Variants in PCDHGA2 observed in about 807,000 individuals in gnomAD.
PCDHGA2 encodes protocadherin gamma-A2.
A neutral mutation model predicts 59.2 loss-of-function variants in PCDHGA2; 40 were observed. The ratio of observed to expected loss-of-function variants is 0.68; its 90% CI spans 0.52 to 0.88. The LOEUF is 0.88. PCDHGA2 is among the 40% of genes least tolerant of loss of function. The pLI, the probability that PCDHGA2 is intolerant of heterozygous loss-of-function variation, is 0.00. For missense variants in PCDHGA2, 1,226 were observed against 1,204.0 expected (o/e 1.02, Z -0.27); for synonymous variants, 560 against 526.0 (o/e 1.06, Z -0.89).
intron 1 of PCDHGA2, chr5:141,410,447 C>G (rs760711107): frequency 1.2e-6 from 2 of 1,613,984 alleles, no homozygotes; most frequent in Non-Finnish European, 1.7e-6. Context: ...GGGGACTTTG[C>G]CTTATTCTTA....
intron 1 of PCDHGA2, chr5:141,415,863 G>T (rs1321470910): frequency 2.7e-5 from 30 of 1,107,154 alleles, no homozygotes; most frequent in Non-Finnish European, 3.6e-5. Context: ...GTAGTTTATA[G>T]TGTTGTTGAG....
At chr5:141,366,064 G>A (rs761173450) in intron 1 of PCDHGA2, 4 of 1,614,106 alleles carry the variant, frequency 2.5e-6, no homozygotes, top group African/African-American at 1.3e-5. Flanking sequence ...TGGAGCTGGC[G>A]CCTCGCTCCG....
At chr5:141,508,739 C>A (rs1344024245) in intron 3 of PCDHGA2, among the ~76,000 whole-genome samples, 1 of 152,156 alleles carries the variant, frequency 6.6e-6, no homozygotes, top group African/African-American at 2.4e-5. Context: ...ACACCCCCCA[C>A]CCCGCTCTTT....
intron 1 of PCDHGA2, chr5:141,350,329 C>T (rs916472281): frequency 5.2e-6 from 8 of 1,536,508 alleles, no homozygotes; most frequent in Non-Finnish European, 7.0e-6. Flanking sequence ...TGTCTTTGTT[C>T]TGCGGGGCCA....
intron 1 of PCDHGA2, chr5:141,423,465 G>T: frequency 6.2e-7 from 1 of 1,614,006 alleles, no homozygotes; most frequent in South Asian, 1.1e-5. Context: ...GCGTGGACGG[G>T]GTACAGGCTT....
In PCDHGA2 at chr5:141,417,676, C is replaced by G. The variant is rs902104404; in HGVS notation, c.2424+76281C>G. The G allele has an allele frequency of 1.7e-5, 17 of 993,450 alleles. No individual in the cohort carries two copies. The African/African-American group carries it at 2.8e-4, about 16-fold the overall frequency. The allele number at this position is 993,450 out of a possible 1,614,324, so 61.5% of individuals were successfully genotyped here. ...AGCCTGGGATTCCCTGCGCAGCCAACAACAGAAAAGAAAACCAGCTCCCAC... is the reference window on the plus strand; with the variant it reads ...AGCCTGGGATTCCCTGCGCAGCCAAGAACAGAAAAGAAAACCAGCTCCCAC... On this transcript the variant is annotated intron_variant, in intron 1 of 3. Transcript: ENST00000394576.
intron 1 of PCDHGA2, chr5:141,413,356 C>T: frequency 6.2e-7 from 1 of 1,613,962 alleles, no homozygotes; most frequent in South Asian, 1.1e-5. Context: ...TCTGGCGCCC[C>T]GGGAGCTGGC....
At chr5:141,404,437 C>T in intron 1 of PCDHGA2, 3 of 1,613,094 alleles carry the variant, frequency 1.9e-6, no homozygotes, top group Non-Finnish European at 2.5e-6. Context: ...CAGAGGATAC[C>T]ATCCAAGGGT....
At chr5:141,351,694 A>G in intron 1 of PCDHGA2, 3 of 1,613,918 alleles carry the variant, frequency 1.9e-6, no homozygotes, top group Non-Finnish European at 2.5e-6. Context: ...CGGATTTGGG[A>G]CCCAACGGCA....
At chr5:141,377,317 T>C (rs1355098405) in intron 1 of PCDHGA2, 3 of 152,140 alleles carry the variant, frequency 2.0e-5, no homozygotes, top group African/African-American at 7.2e-5. Context: ...GATCAAGATC[T>C]TGGTTTTAGC....
intron 1 of PCDHGA2, chr5:141,355,370 G>A (rs756032397): frequency 2.4e-5 from 38 of 1,613,918 alleles, no homozygotes; most frequent in Non-Finnish European, 3.1e-5. Context: ...TTGGCGCCCC[G>A]GGAGCTGGCG....
At chr5:141,348,091 G>T (rs1343762579) in intron 1 of PCDHGA2, among the ~76,000 whole-genome samples, 2 of 152,230 alleles carry the variant, frequency 1.3e-5, no homozygotes, top group East Asian at 1.9e-4. Context: ...GCCAGAAATT[G>T]TTGGCTTATT....
intron 1 of PCDHGA2, chr5:141,416,530 G>C (rs976560428): frequency 6.6e-6 from 1 of 152,160 alleles, no homozygotes; most frequent in Non-Finnish European, 1.5e-5. Context: ...GCTCTTTAAT[G>C]TATAAGGAGG....
intron 1 of PCDHGA2, chr5:141,377,664 C>T (rs1042522537): frequency 6.6e-6 from 1 of 151,600 alleles, no homozygotes; most frequent in South Asian, 2.1e-4. Context: ...AAACGACAGA[C>T]GTTCATACAA....
chr5:141,430,383 G>GAA (rs139772145), intron 1 of PCDHGA2, among the ~76,000 whole-genome samples: 39 of 138,602 alleles, frequency 2.8e-4, no homozygotes, highest in African/African-American at 7.9e-4. Context: ...AGCTCATTGG[G>GAA]AAAAAAAAAA....
intron 1 of PCDHGA2, chr5:141,379,738 A>T (rs1218280067): frequency 1.3e-5 from 2 of 152,158 alleles, no homozygotes; most frequent in Non-Finnish European, 2.9e-5. Flanking sequence ...GTTATGGCTA[A>T]ATGAGGTTCT....
chr5:141,496,723 T>G (rs1312615861), intron 2 of PCDHGA2, among the ~76,000 whole-genome samples: 3 of 152,212 alleles, frequency 2.0e-5, no homozygotes, highest in Non-Finnish European at 4.4e-5. Context: ...AAGTCATTAA[T>G]GTATTCATTC....
chr5:141,493,338 A>G lies in PCDHGA2; in HGVS notation c.2425-1469A>G, dbSNP rs773870729. Among the ~76,000 whole-genome samples the G allele has an allele frequency of 6.6e-6, 1 of 152,162 alleles. No individual in the cohort carries two copies. The highest frequency in any genetic ancestry group is 1.5e-5 in the Non-Finnish European group (1 of 68,028). On this transcript the variant is annotated intron_variant, in intron 1 of 3. Transcript: ENST00000394576. This position sits in a 1 kb window ranked among gnomAD's most constrained non-coding sequence, Gnocchi z 4.3. ...GATTCTAACCCCTGTCTAACTCCAG[A>G]ATGTGTGCTTTTAATTTCTTGGCAC...
intron 1 of PCDHGA2, chr5:141,417,757 G>A: frequency 7.0e-7 from 1 of 1,435,144 alleles, no homozygotes; most frequent in Non-Finnish European, 9.2e-7. Flanking sequence ...CCAGCTCCGA[G>A]ACCCGGGACT....
Sources: gnomAD v4.1 joint callset for allele counts (sites outside exome capture counted in the v4.1 genomes callset) on GRCh38, gnomAD v4.1.1 for gene constraint, Gnocchi (gnomAD v3.1) non-coding constraint, MANE v1.5 for transcripts, NCBI Gene and HGNC (gene_info 2026-07-23, HGNC 2026-07-21) for gene names.